RFX8: variants seen among roughly 807,000 people sequenced by gnomAD.
The protein encoded by RFX8 is DNA-binding protein RFX8.
In RFX8, 46 loss-of-function variants were observed where a neutral mutation model predicts 54.6. That is an observed-to-expected ratio of 0.84 (90% confidence interval 0.67 to 1.08). The LOEUF is 1.08. Ranked by LOEUF, RFX8 falls within the 50% of genes least tolerant of loss-of-function variation. The pLI, the probability that RFX8 is intolerant of heterozygous loss-of-function variation, is 0.00. For synonymous variants in RFX8, 192 were observed against 209.5 expected, an observed-to-expected ratio of 0.92 and a Z score of 0.72; for missense variants, 536 against 562.3, an observed-to-expected ratio of 0.95 and a Z score of 0.47.
At chr2:101,459,682 TG>T (rs1367414994) in intron 2 of RFX8, among the ~76,000 whole-genome samples, 1 of 152,158 alleles carries the variant, frequency 6.6e-6, no homozygotes, top group Non-Finnish European at 1.5e-5. Flanking sequence ...TCAGGCTACG[TG>T]GGGGTCAGGG....
At chr2:101,413,190 T>A in intron 7 of RFX8, 119 bp from the exon 8 acceptor site, 1 of 738,164 alleles carries the variant, frequency 1.4e-6, no homozygotes, top group Non-Finnish European at 2.3e-6. Flanking sequence ...GATGTGGATA[T>A]TACCCATTAA....
chr2:101,436,044 C>A lies in RFX8; in HGVS notation c.73-13572G>T, dbSNP rs759874789. Among the ~76,000 whole-genome samples the A allele has an allele frequency of 2.6e-5, 4 of 152,222 alleles. No individual in the cohort carries two copies. In the East Asian group the frequency reaches 7.7e-4, roughly 29 times the overall value. On this transcript the variant is annotated intron_variant, in intron 2 of 11. Coordinates refer to ENST00000428343, the MANE Select transcript of RFX8 (RefSeq NM_001145664.2). ...AGCGCCCTGGTTCCCGGCTCTGTCA[C>A]GACCCCCCTGCTGCATCTGTGGGCA...
intron 8 of RFX8, 37 bp from the exon 9 acceptor site, chr2:101,410,750 T>A: frequency 9.3e-7 from 1 of 1,069,870 alleles, no homozygotes. Context: ...AAAGATTGCA[T>A]GCAGCAGAGC....
intron 2 of RFX8, among the ~76,000 whole-genome samples, chr2:101,456,732 A>G (rs950407144): frequency 4.6e-5 from 7 of 152,164 alleles, no homozygotes; most frequent in Non-Finnish European, 7.3e-5. Flanking sequence ...GCCTCATAAA[A>G]TGAGTTAGGG....
intron 1 of RFX8, among the ~76,000 whole-genome samples, chr2:101,469,560 T>C (rs1052730362): frequency 1.3e-5 from 2 of 152,190 alleles, no homozygotes; most frequent in Non-Finnish European, 1.5e-5. Context: ...CAAAATGTGA[T>C]GTGCATTCAA....
At chr2:101,459,116 C>T (rs1437200317) in intron 2 of RFX8, among the ~76,000 whole-genome samples, 1 of 152,138 alleles carries the variant, frequency 6.6e-6, no homozygotes, top group Non-Finnish European at 1.5e-5. Context: ...TTCGTCTAAC[C>T]TTTTTTCAAG....
At chr2:101,441,636 G>A (rs1558872635) in intron 2 of RFX8, among the ~76,000 whole-genome samples, 1 of 152,124 alleles carries the variant, frequency 6.6e-6, no homozygotes, top group African/African-American at 2.4e-5. Context: ...AACAGAAAAT[G>A]GACTAAGTCA....
chr2:101,454,465 G>A (rs1688859698), intron 2 of RFX8, among the ~76,000 whole-genome samples: 1 of 152,154 alleles, frequency 6.6e-6, no homozygotes, highest in Non-Finnish European at 1.5e-5. Context: ...CCTTGAGGAA[G>A]CACCACACTG....
At chr2:101,438,709 C>A (rs1439730817) in intron 2 of RFX8, among the ~76,000 whole-genome samples, 1 of 152,228 alleles carries the variant, frequency 6.6e-6, no homozygotes, top group East Asian at 1.9e-4. Context: ...TGTGAGTGAC[C>A]TAGCTTCTCT....
chr2:101,414,043 C>T (rs1238712264), intron 7 of RFX8, among the ~76,000 whole-genome samples: 1 of 152,218 alleles, frequency 6.6e-6, no homozygotes, highest in African/African-American at 2.4e-5. Flanking sequence ...CGGGTGCCAG[C>T]ATCATAGAAT....
chr2:101,419,883 C>T (rs1324318335), intron 4 of RFX8, among the ~76,000 whole-genome samples: 2 of 152,196 alleles, frequency 1.3e-5, no homozygotes, highest in African/African-American at 4.8e-5. Flanking sequence ...CTGGGAACCT[C>T]GGAGCAAGGA....
rs560089658 is a variant in RFX8 at position 101,427,019 on chromosome 2, C to T, written c.73-4547G>A. Among the ~76,000 whole-genome samples, 20 of 152,342 alleles carry T rather than the reference C, an allele frequency of 1.3e-4. No individual in the cohort carries two copies. The South Asian group carries it at 4.1e-3, about 32-fold the overall frequency. On this transcript the variant is annotated intron_variant, in intron 2 of 11. Coordinates refer to ENST00000428343, the MANE Select transcript of RFX8 (RefSeq NM_001145664.2). ...CTCTCCACCCACCTCGCCCAGTGTG[C>T]TGCTCCCCAGCATATGCACGCTGGG...
At chr2:101,463,500 A>G (rs974955030) in intron 2 of RFX8, among the ~76,000 whole-genome samples, 1 of 152,178 alleles carries the variant, frequency 6.6e-6, no homozygotes, top group Non-Finnish European at 1.5e-5. Flanking sequence ...CGACCTCTCC[A>G]TGAAAGAGCT....
intron 10 of RFX8, 27 bp downstream of exon 10, chr2:101,405,916 A>G (rs1184701359): frequency 7.2e-7 from 1 of 1,379,402 alleles, no homozygotes; most frequent in African/African-American, 1.5e-5. Flanking sequence ...GGTAGAATAC[A>G]AAATACTTTC....
At chr2:101,450,269 G>A (rs1688604756) in intron 2 of RFX8, among the ~76,000 whole-genome samples, 1 of 152,094 alleles carries the variant, frequency 6.6e-6, no homozygotes, top group Admixed American at 6.5e-5. Context: ...CACCCAGGCT[G>A]GAATGCAGTG....
At chr2:101,474,255 G>A in intron 1 of RFX8, 2 of 612,370 alleles carry the variant, frequency 3.3e-6, no homozygotes, top group Non-Finnish European at 2.9e-6. Context: ...TCGACGGCGA[G>A]GCCGGCACCC....
At chr2:101,458,822 A>T (rs1689119970) in intron 2 of RFX8, among the ~76,000 whole-genome samples, 1 of 152,146 alleles carries the variant, frequency 6.6e-6, no homozygotes, top group African/African-American at 2.4e-5. Context: ...TTGGTTCCCC[A>T]TTCTCTCCAT....
At chr2:101,439,381 G>T (rs887427732) in intron 2 of RFX8, among the ~76,000 whole-genome samples, 1 of 152,114 alleles carries the variant, frequency 6.6e-6, no homozygotes, top group South Asian at 2.1e-4. Context: ...CAAAAGTTTT[G>T]ATTTTGATGT....
chr2:101,466,719 A>C lies in RFX8; in HGVS notation c.72+58T>G, dbSNP rs535426317. ...ATACATTGCAACATTTCCTCCAATA[A>C]CTTGCTTCCCTTTTTTGCACTCAGT... On this transcript the variant is annotated intron_variant, in intron 2 of 11. Coordinates refer to ENST00000428343, the MANE Select transcript of RFX8 (RefSeq NM_001145664.2). 2.5e-6 allele frequency: 3 copies of C among 1,214,660 alleles called. No homozygotes were observed. In the East Asian group the frequency reaches 7.6e-5, roughly 31 times the overall value. The allele number at this position is 1,214,660 out of a possible 1,614,324, so 75.2% of individuals were successfully genotyped here.
Sources: gnomAD v4.1 joint callset for allele counts (sites outside exome capture counted in the v4.1 genomes callset) on GRCh38, gnomAD v4.1.1 for gene constraint, MANE v1.5 for transcripts, NCBI Gene and HGNC (gene_info 2026-07-23, HGNC 2026-07-21) for gene names.